Variants in ADGRG7 observed in about 807,000 individuals in gnomAD.
ADGRG7 encodes the protein adhesion G protein-coupled receptor G7, also known as G-protein coupled receptor 128.
Under a neutral mutation model 88.6 loss-of-function variants are expected in ADGRG7, and 82 were observed. That is an observed-to-expected ratio of 0.93 (90% confidence interval 0.77 to 1.11). ADGRG7 has a LOEUF of 1.11. Among genes scored for constraint, ADGRG7 ranks in the 50% most tolerant of loss-of-function variants. The pLI is 0.00. For synonymous variants in ADGRG7, 381 were observed against 345.2 expected (o/e 1.10, Z -1.15); for missense variants, 945 against 953.4 (o/e 0.99, Z 0.12).
intron 11 of ADGRG7, among the ~76,000 whole-genome samples, chr3:100,650,919 A>T (rs1304243222): frequency 2.0e-5 from 3 of 152,200 alleles, no homozygotes; most frequent in Admixed American, 6.5e-5. Context: ...TGTAAAAAGC[A>T]TACTTCCCAG....
chr3:100,639,527 T>C (rs927161694), intron 6 of ADGRG7, among the ~76,000 whole-genome samples: 2 of 152,180 alleles, frequency 1.3e-5, no homozygotes, highest in Admixed American at 6.5e-5. Flanking sequence ...GTCTGGGCCC[T>C]TCTCATGGAG....
At chr3:100,653,063 T>G (rs1351410861) in intron 11 of ADGRG7, among the ~76,000 whole-genome samples, 1 of 152,238 alleles carries the variant, frequency 6.6e-6, no homozygotes. Flanking sequence ...CAAAATGTGG[T>G]CCTTGAAACA....
intron 14 of ADGRG7, among the ~76,000 whole-genome samples, chr3:100,662,165 G>T (rs570681842): frequency 6.6e-5 from 10 of 152,142 alleles, no homozygotes; most frequent in African/African-American, 2.4e-4. Context: ...ATATGGGTTG[G>T]GGGGAAACAG....
chr3:100,635,738 A>T lies in ADGRG7; in HGVS notation c.509A>T (p.Asp170Val). The change falls in exon 5 of 16, where the codon GAT (aspartate) becomes GTT (valine). Residue 170 changes from aspartate (D) to valine (V), a missense_variant. Physicochemically the swap from Asp to Val is radical, Grantham distance 152. Coordinates refer to ENST00000273352, the MANE Select transcript of ADGRG7 (RefSeq NM_032787.3). ...TCTGAAGTCCAGATTTTAACATCTG[A>T]TGCCAATAAATTAACTGCTGAGAAC... Reference protein sequence around the residue: ...ISSEVQILTSDANKLTAENIT... With the variant: ...ISSEVQILTSVANKLTAENIT... The T allele has an allele frequency of 6.2e-7, 1 of 1,614,008 alleles. No homozygotes were observed. The highest frequency in any genetic ancestry group is 8.5e-7 in the Non-Finnish European group (1 of 1,179,892).
At chr3:100,685,439 TA>T (rs1287327802) in intron 15 of ADGRG7, among the ~76,000 whole-genome samples, 1 of 152,194 alleles carries the variant, frequency 6.6e-6, no homozygotes, top group Non-Finnish European at 1.5e-5. Flanking sequence ...GTTTGTTACA[TA>T]TGTATACATG....
intron 15 of ADGRG7, among the ~76,000 whole-genome samples, chr3:100,680,908 T>C (rs372692264): frequency 1.2e-4 from 18 of 152,312 alleles, no homozygotes; most frequent in African/African-American, 3.6e-4. Context: ...GTATTCTTCA[T>C]CCCTTTCTGA....
At chr3:100,624,755 G>A (rs763613058) in intron 1 of ADGRG7, among the ~76,000 whole-genome samples, 12 of 152,064 alleles carry the variant, frequency 7.9e-5, no homozygotes, top group Non-Finnish European at 1.5e-4. Flanking sequence ...TCTGCATGTG[G>A]CTAGCCAGCT....
At chr3:100,643,045 G>A (rs1321678659) in intron 6 of ADGRG7, among the ~76,000 whole-genome samples, 2 of 152,132 alleles carry the variant, frequency 1.3e-5, no homozygotes, top group African/African-American at 2.4e-5. Context: ...TATGTTCAAG[G>A]TAGCCTTCAG....
intron 1 of ADGRG7, among the ~76,000 whole-genome samples, chr3:100,616,073 CA>C (rs1323896788): frequency 6.6e-6 from 1 of 152,182 alleles, no homozygotes; most frequent in African/African-American, 2.4e-5. Flanking sequence ...CCTACCTATA[CA>C]GTATTGAAAT....
intron 13 of ADGRG7, among the ~76,000 whole-genome samples, chr3:100,657,268 G>T (rs2094938970): frequency 6.6e-6 from 1 of 152,056 alleles, no homozygotes; most frequent in African/African-American, 2.4e-5. Context: ...TGCCATCAAG[G>T]GCCACATTTC....
At position 100,694,801 on chromosome 3, in the gene ADGRG7, T is replaced by G. The variant is rs187233032; in HGVS notation, c.2194T>G (p.Ser732Ala). The G allele has an allele frequency of 1.3e-4, 212 of 1,614,158 alleles. No individual in the cohort carries two copies. The East Asian group carries it at 4.4e-3, about 33-fold the overall frequency. ...VRTKVFQSEA[S>A]KVLMLLSSIG... ...AACAAAAGTCTTCCAGAGTGAAGCT[T>G]CCAAAGTGTTGATGTTGCTATCGTC... Residue 732 changes from serine to alanine, a missense_variant, in exon 16 of 16, where the codon TCC becomes GCC. Transcript: ENST00000273352.
chr3:100,655,258 T>TTGGACTATTAGGCCTTC, intron 12 of ADGRG7, 77 bp downstream of exon 12: 1 of 1,045,206 alleles, frequency 9.6e-7, no homozygotes, highest in Non-Finnish European at 1.4e-6. Context: ...ATTGAAGGCC[T>TTGGACTATTAGGCCTTC]AATAGTCCAA....
intron 15 of ADGRG7, among the ~76,000 whole-genome samples, chr3:100,681,825 A>G (rs2094973880): frequency 6.6e-6 from 1 of 152,280 alleles, no homozygotes; most frequent in East Asian, 1.9e-4. Flanking sequence ...CTCGCACCCT[A>G]CCAGGATCAC....
intron 15 of ADGRG7, among the ~76,000 whole-genome samples, chr3:100,670,145 G>A (rs193094940): frequency 1.2e-3 from 189 of 151,498 alleles, no homozygotes; most frequent in African/African-American, 1.9e-3. Context: ...AACCATTCCC[G>A]CTTTCCCCTC....
At chr3:100,656,812 A>C (rs1467524135) in intron 13 of ADGRG7, among the ~76,000 whole-genome samples, 1 of 152,116 alleles carries the variant, frequency 6.6e-6, no homozygotes, top group African/African-American at 2.4e-5. Context: ...CCCAGGGCTG[A>C]TCATGCCCAA....
intron 15 of ADGRG7, among the ~76,000 whole-genome samples, chr3:100,689,560 G>A (rs2094989474): frequency 6.6e-6 from 1 of 152,122 alleles, no homozygotes; most frequent in African/African-American, 2.4e-5. Context: ...GCTCTTTTAG[G>A]ACAGGCCTGG....
At chr3:100,649,343 T>C (rs1182034337) in intron 10 of ADGRG7, among the ~76,000 whole-genome samples, 1 of 152,214 alleles carries the variant, frequency 6.6e-6, no homozygotes, top group African/African-American at 2.4e-5. Context: ...GCAGGTCAGC[T>C]TTCCACATCA....
chr3:100,620,958 C>A (rs1033369405), intron 1 of ADGRG7, among the ~76,000 whole-genome samples: 1 of 152,010 alleles, frequency 6.6e-6, no homozygotes, highest in Non-Finnish European at 1.5e-5. Flanking sequence ...GTAATTCTCA[C>A]AATATGTCAA....
chr3:100,688,983 A>C (rs7372546), intron 15 of ADGRG7, among the ~76,000 whole-genome samples: 39,098 of 152,006 alleles, frequency 0.26, 5,644 homozygotes, highest in East Asian at 0.53. Context: ...GGGGTGTTAA[A>C]ATCTCCCGTT....
Sources: allele counts gnomAD v4.1 joint callset (sites outside exome capture counted in the v4.1 genomes callset), GRCh38; gene constraint gnomAD v4.1.1; transcripts MANE v1.5; gene names NCBI Gene and HGNC (gene_info 2026-07-23, HGNC 2026-07-21).